The following THSD7A variants were observed in gnomAD, a reference collection of about 807,000 sequenced individuals.
The protein encoded by THSD7A is thrombospondin type 1 domain containing 7A.
THSD7A carries 96 observed loss-of-function variants against 231.3 expected under a neutral mutation model. The observed-to-expected ratio is 0.41, with a 90% CI of 0.35 to 0.49. The LOEUF is 0.49. Among genes scored for constraint, THSD7A ranks in the 20% least tolerant of loss-of-function variants. The pLI is 0.05. For synonymous variants in THSD7A, 940 were observed against 743.3 expected (o/e 1.26, Z -4.30); for missense variants, 2,290 against 2,070.2 (o/e 1.11, Z -2.06).
chr7:11,715,982 A>C (rs1240007603), intron 1 of THSD7A, among the ~76,000 whole-genome samples: 1 of 151,608 alleles, frequency 6.6e-6, no homozygotes, highest in Non-Finnish European at 1.5e-5. Context: ...GAGTGATCTA[A>C]ATTGAAATAC....
chr7:11,752,914 G>A (rs574198635), intron 1 of THSD7A, among the ~76,000 whole-genome samples: 105 of 133,766 alleles, frequency 7.8e-4, no homozygotes, highest in Non-Finnish European at 1.6e-3. Context: ...CAACAAGAGT[G>A]AGAGACCCTG....
intron 1 of THSD7A, among the ~76,000 whole-genome samples, chr7:11,696,204 G>A (rs965652707): frequency 6.6e-6 from 1 of 151,290 alleles, no homozygotes; most frequent in African/African-American, 2.4e-5. Flanking sequence ...ATGTTCTGCA[G>A]GCAATGGGAA....
chr7:11,389,850 T>C (rs1405944649), intron 23 of THSD7A, among the ~76,000 whole-genome samples: 1 of 152,128 alleles, frequency 6.6e-6, no homozygotes, highest in South Asian at 2.1e-4. Flanking sequence ...TGTAAAGAAT[T>C]TTATTTCTCT....
intron 6 of THSD7A, among the ~76,000 whole-genome samples, chr7:11,498,961 G>T (rs1454771309): frequency 1.3e-5 from 2 of 152,128 alleles, no homozygotes; most frequent in Non-Finnish European, 2.9e-5. Context: ...TCCAAGCCTG[G>T]ATCTTCAGCC....
At chr7:11,729,910 C>T (rs116138261) in intron 1 of THSD7A, among the ~76,000 whole-genome samples, 2,949 of 151,638 alleles carry the variant, frequency 0.019, 101 homozygotes, top group African/African-American at 0.068. Context: ...GATGCATTTG[C>T]TTAAAGTTCA....
chr7:11,805,222 C>T lies in THSD7A; in HGVS notation c.190+26535G>A, dbSNP rs571049411. On this transcript the variant is annotated intron_variant, in intron 1 of 27. Transcript: ENST00000423059. The stretch of plus-strand genomic sequence containing the variant: ...TTCCCACTGCAATAATATATTTATA[C>T]TTCTTCTCATTCCAAAGGAGAGTTG... Among the ~76,000 whole-genome samples, 10 of 152,256 alleles carry T rather than the reference C, an allele frequency of 6.6e-5. No individual in the cohort carries two copies. In the South Asian group the frequency reaches 2.1e-3, roughly 32 times the overall value.
At chr7:11,561,171 T>C in intron 4 of THSD7A, among the ~76,000 whole-genome samples, 1 of 152,126 alleles carries the variant, frequency 6.6e-6, no homozygotes, top group Non-Finnish European at 1.5e-5. Context: ...CTTGGAAGGG[T>C]ACATGACAGG....
At chr7:11,606,472 T>C (rs1780737356) in intron 2 of THSD7A, among the ~76,000 whole-genome samples, 1 of 152,090 alleles carries the variant, frequency 6.6e-6, no homozygotes, top group African/African-American at 2.4e-5. Flanking sequence ...TATTGTACTG[T>C]GATAAGCTTG....
At chr7:11,793,285 T>A (rs1314121877) in intron 1 of THSD7A, among the ~76,000 whole-genome samples, 1 of 151,974 alleles carries the variant, frequency 6.6e-6, no homozygotes, top group Non-Finnish European at 1.5e-5. Context: ...TGGCCGAATC[T>A]TCAGCCACAG....
At chr7:11,742,095 A>C (rs1228104943) in intron 1 of THSD7A, among the ~76,000 whole-genome samples, 2 of 152,068 alleles carry the variant, frequency 1.3e-5, no homozygotes, top group Non-Finnish European at 2.9e-5. Context: ...TTTTCATTTT[A>C]GGAATTCTAA....
chr7:11,432,334 C>T (rs999605232), intron 13 of THSD7A, among the ~76,000 whole-genome samples: 1 of 152,188 alleles, frequency 6.6e-6, no homozygotes, highest in Non-Finnish European at 1.5e-5. Context: ...ATCTCCTATA[C>T]ATTTGTCAAA....
intron 1 of THSD7A, among the ~76,000 whole-genome samples, chr7:11,660,125 A>G (rs894948798): frequency 1.3e-5 from 2 of 151,658 alleles, no homozygotes; most frequent in African/African-American, 4.8e-5. Flanking sequence ...GAATTAATAT[A>G]GCAAGAAAGC....
Position 11,447,360 on chromosome 7 carries a change from G to T in THSD7A, c.2670C>A (p.Gly890=). 4 of 1,611,852 alleles carry T rather than the reference G, an allele frequency of 2.5e-6. No homozygotes were observed. The highest frequency in any genetic ancestry group is 2.5e-6 in the Non-Finnish European group (3 of 1,178,956). The change falls in exon 12 of 28, where the codon GGC becomes GGA. Residue 890 remains glycine (G), a synonymous_variant. Transcript: ENST00000423059. ...AGIHECLQYA[G]PVPALTQACQ... ...AGGCCTGGGTAAGGGCTGGCACAGGGCCTGCATACTGTAGGCACTCATGGA... is the reference window on the plus strand; with the variant it reads ...AGGCCTGGGTAAGGGCTGGCACAGGTCCTGCATACTGTAGGCACTCATGGA...
chr7:11,797,434 T>C (rs976227162), intron 1 of THSD7A, among the ~76,000 whole-genome samples: 70 of 142,042 alleles, frequency 4.9e-4, no homozygotes, highest in South Asian at 2.2e-4. Flanking sequence ...TTTTTTTTTT[T>C]CAGACAGGGT....
At chr7:11,701,283 T>C (rs73294584) in intron 1 of THSD7A, among the ~76,000 whole-genome samples, 2,478 of 151,288 alleles carry the variant, frequency 0.016, 70 homozygotes, top group African/African-American at 0.057. Context: ...CAATTCATTT[T>C]ATATACAATT....
intron 6 of THSD7A, among the ~76,000 whole-genome samples, chr7:11,519,020 T>G (rs1012049008): frequency 1.3e-5 from 2 of 152,196 alleles, no homozygotes; most frequent in African/African-American, 4.8e-5. Context: ...GATAAATAAC[T>G]TATGGGCTTT....
At chr7:11,504,885 G>T (rs115591712) in intron 6 of THSD7A, among the ~76,000 whole-genome samples, 2,372 of 151,180 alleles carry the variant, frequency 0.016, 72 homozygotes, top group African/African-American at 0.054. Flanking sequence ...TTATTAAACT[G>T]GCAAAATTAA....
chr7:11,767,463 G>T (rs536794644), intron 1 of THSD7A, among the ~76,000 whole-genome samples: 2 of 152,230 alleles, frequency 1.3e-5, no homozygotes, highest in South Asian at 4.1e-4. Context: ...TAGTCTAGAT[G>T]TATTAATTCT....
chr7:11,700,352 T>C (rs145939947), intron 1 of THSD7A, among the ~76,000 whole-genome samples: 1,591 of 151,368 alleles, frequency 0.011, 36 homozygotes, highest in African/African-American at 0.036. Flanking sequence ...CACCATATGA[T>C]ACTTGAAAGG....
Sources: allele counts gnomAD v4.1 joint callset (sites outside exome capture counted in the v4.1 genomes callset), GRCh38; gene constraint gnomAD v4.1.1; transcripts MANE v1.5; gene names NCBI Gene and HGNC (gene_info 2026-07-23, HGNC 2026-07-21).